LHFPL3: variants seen among roughly 807,000 people sequenced by gnomAD.
The protein encoded by LHFPL3 is LHFPL tetraspan subfamily member 3 protein.
A neutral mutation model predicts 19.3 loss-of-function variants in LHFPL3; 5 were observed. The ratio of observed to expected loss-of-function variants is 0.26; its 90% confidence interval spans 0.14 to 0.54. The LOEUF (loss-of-function observed/expected upper bound fraction) is 0.54, where lower values mean the gene tolerates loss of function less well. Ranked by LOEUF, LHFPL3 falls within the 20% of genes least tolerant of loss-of-function variation. The pLI, the probability that LHFPL3 is intolerant of heterozygous loss-of-function variation, is 0.94. For synonymous variants in LHFPL3, 133 were observed against 126.2 expected (o/e 1.05, Z -0.36); for missense variants, 249 against 307.4 (o/e 0.81, Z 1.42).
chr7:104,547,352 T>G (rs929646562), intron 1 of LHFPL3, among the ~76,000 whole-genome samples: 1 of 151,584 alleles, frequency 6.6e-6, no homozygotes, highest in African/African-American at 2.4e-5. Context: ...CATCTGTCAG[T>G]GTAGATAGTT....
rs564738478 is a variant in LHFPL3, at chr7:104,381,084, G to A, written c.445+51860G>A. On this transcript the variant is annotated intron_variant, in intron 1 of 2. Transcript: ENST00000424859. ...ATGTCGCAAAAGACAGAATGCAAAG[G>A]AAAGATCAAGCTACTAGACGAGATA... Among the ~76,000 whole-genome samples, 20 of 152,252 alleles carry A rather than the reference G, an allele frequency of 1.3e-4. No individual in the cohort carries two copies. The South Asian group carries it at 3.9e-3, about 30-fold the overall frequency.
intron 1 of LHFPL3, among the ~76,000 whole-genome samples, chr7:104,447,509 AGT>A (rs1792352054): frequency 3.3e-5 from 5 of 152,160 alleles, no homozygotes; most frequent in Non-Finnish European, 5.9e-5. Flanking sequence ...TCAAAAAGGC[AGT>A]CAGTTTCTTT....
chr7:104,569,301 A>T (rs1374723914), intron 1 of LHFPL3, among the ~76,000 whole-genome samples: 1 of 152,218 alleles, frequency 6.6e-6, no homozygotes, highest in Non-Finnish European at 1.5e-5. Context: ...GAGGGCAGGG[A>T]AATGTATTAG....
chr7:104,824,560 T>TTA (rs1400613289), intron 2 of LHFPL3, among the ~76,000 whole-genome samples: 2 of 75,208 alleles, frequency 2.7e-5, no homozygotes, highest in South Asian at 7.3e-4. Flanking sequence ...TAATATATAA[T>TTA]TATATATATT....
intron 1 of LHFPL3, among the ~76,000 whole-genome samples, chr7:104,512,489 C>A (rs1268730144): frequency 6.6e-6 from 1 of 151,936 alleles, no homozygotes; most frequent in Non-Finnish European, 1.5e-5. Flanking sequence ...GTAATCCCAA[C>A]ACTTTGGGAG....
At chr7:104,714,428 T>TA (rs1018189743) in intron 1 of LHFPL3, among the ~76,000 whole-genome samples, 16 of 148,098 alleles carry the variant, frequency 1.1e-4, no homozygotes, top group South Asian at 2.1e-4. Flanking sequence ...TGTGAAAGCC[T>TA]AAAAAAAAAC....
intron 1 of LHFPL3, among the ~76,000 whole-genome samples, chr7:104,509,360 T>G (rs1434968960): frequency 1.3e-5 from 2 of 151,876 alleles, no homozygotes; most frequent in African/African-American, 4.8e-5. Flanking sequence ...ACAAACAGAA[T>G]TGAACGATAT....
rs114297702 is a variant in LHFPL3, at chr7:104,443,770, T to G, written c.445+114546T>G. Reference sequence around the variant, plus strand: ...CAGATGCTGATGCATCCTCACTTCCTGCATGTTGCTTGTGAAAATGAGCAC... The same window carrying G: ...CAGATGCTGATGCATCCTCACTTCCGGCATGTTGCTTGTGAAAATGAGCAC... On this transcript the variant is annotated intron_variant, in intron 1 of 2. Coordinates refer to ENST00000424859, the MANE Select transcript of LHFPL3 (RefSeq NM_199000.3). Among the ~76,000 whole-genome samples the G allele has an allele frequency of 2.1e-3, 316 of 152,348 alleles. 1 individual carries two copies. Among genetic ancestry groups the G allele is most frequent in the African/African-American group, 6.9e-3 (287 of 41,584 alleles).
intron 1 of LHFPL3, among the ~76,000 whole-genome samples, chr7:104,565,259 T>C (rs13224644): frequency 0.06 from 9,073 of 152,278 alleles, 312 homozygotes; most frequent in African/African-American, 0.091. Context: ...GGCTCCTAGA[T>C]ATTTTGAAAG....
At position 104,777,084 on chromosome 7, in the gene LHFPL3, A is replaced by C. The variant is rs193145296; in HGVS notation, c.682+40173A>C. Among the ~76,000 whole-genome samples the C allele has an allele frequency of 5.7e-4, 87 of 152,352 alleles. 2 individuals carry two copies. Among genetic ancestry groups the C allele is most frequent in the Admixed American group, 5.3e-3 (81 of 15,308 alleles). On this transcript the variant is annotated intron_variant, in intron 2 of 2. Coordinates refer to ENST00000424859, the MANE Select transcript of LHFPL3 (RefSeq NM_199000.3). The stretch of plus-strand genomic sequence containing the variant: ...CTGGGAGCCTCAAGATGCCTGGAAC[A>C]CAGGAAAGAGATGCAGGGAGCAAAA...
intron 2 of LHFPL3, among the ~76,000 whole-genome samples, chr7:104,737,547 G>A (rs1382139713): frequency 2.6e-5 from 4 of 152,158 alleles, no homozygotes; most frequent in Admixed American, 6.5e-5. Flanking sequence ...ATGGAAAATA[G>A]AACATTGACT....
intron 1 of LHFPL3, among the ~76,000 whole-genome samples, chr7:104,653,650 C>G (rs139587418): frequency 6.6e-6 from 1 of 152,324 alleles, no homozygotes; most frequent in East Asian, 1.9e-4. Context: ...TGCAAACACC[C>G]CTGCTCTAAA....
chr7:104,620,265 G>A (rs1791420835), intron 1 of LHFPL3, among the ~76,000 whole-genome samples: 1 of 152,118 alleles, frequency 6.6e-6, no homozygotes, highest in African/African-American at 2.4e-5. Flanking sequence ...CAATTCAGAG[G>A]GCACTGAGAG....
At chr7:104,429,178 A>C (rs1380034055) in intron 1 of LHFPL3, among the ~76,000 whole-genome samples, 1 of 152,126 alleles carries the variant, frequency 6.6e-6, no homozygotes, top group African/African-American at 2.4e-5. Flanking sequence ...AGGAAAAAAA[A>C]TTAACTTGGG....
At chr7:104,763,506 G>A (rs1794409748) in intron 2 of LHFPL3, among the ~76,000 whole-genome samples, 1 of 152,204 alleles carries the variant, frequency 6.6e-6, no homozygotes, top group Non-Finnish European at 1.5e-5. Flanking sequence ...TAGAGACCGC[G>A]TTACTCAGAC....
intron 2 of LHFPL3, among the ~76,000 whole-genome samples, chr7:104,772,437 C>T (rs1314752568): frequency 6.6e-6 from 1 of 152,190 alleles, no homozygotes; most frequent in Non-Finnish European, 1.5e-5. Context: ...CATGCAGCCC[C>T]TACGGTGTGC....
chr7:104,709,218 T>A (rs1793247825), intron 1 of LHFPL3, among the ~76,000 whole-genome samples: 1 of 150,388 alleles, frequency 6.6e-6, no homozygotes, highest in South Asian at 2.2e-4. Context: ...ATTTTTATTT[T>A]TTTATTTTTT....
chr7:104,741,188 T>C (rs1793930458), intron 2 of LHFPL3, among the ~76,000 whole-genome samples: 1 of 152,188 alleles, frequency 6.6e-6, no homozygotes, highest in South Asian at 2.1e-4. Flanking sequence ...CTCTTTTCAG[T>C]GTCCCCCTTC....
At chr7:104,768,346 A>T (rs192619242) in intron 2 of LHFPL3, among the ~76,000 whole-genome samples, 173 of 152,208 alleles carry the variant, frequency 1.1e-3, no homozygotes, top group Non-Finnish European at 2.1e-3. Flanking sequence ...GCAACGTATC[A>T]TTGGCCTTTT....
Sources: gnomAD v4.1 joint callset for allele counts (sites outside exome capture counted in the v4.1 genomes callset) on GRCh38, gnomAD v4.1.1 for gene constraint, MANE v1.5 for transcripts, NCBI Gene and HGNC (gene_info 2026-07-23, HGNC 2026-07-21) for gene names.